The following RTL4 variants were observed in gnomAD, a reference collection of about 807,000 sequenced individuals.
RTL4 encodes the protein retrotransposon Gag-like protein 4.
A neutral mutation model predicts 5.3 loss-of-function variants in RTL4; 4 were observed. That is an observed-to-expected ratio of 0.75 (90% CI 0.37 to 1.72). RTL4 has a LOEUF of 1.72. RTL4 is among the 40% of genes most tolerant of loss of function. The pLI, the probability that RTL4 is intolerant of heterozygous loss-of-function variation, is 0.04. For synonymous variants in RTL4, 98 were observed against 87.3 expected (o/e 1.12, Z -0.68); for missense variants, 260 against 227.1 (o/e 1.14, Z -0.93).
At chrX:112,385,591 A>G in the RTL4 span, among the ~76,000 whole-genome samples, 1 of 111,670 alleles carries the variant, frequency 9.0e-6, no homozygotes, top group Admixed American at 9.5e-5. Context: ...ATACCCCACA[A>G]TCGTGACTAT....
At chrX:112,214,765 T>C in the RTL4 span, among the ~76,000 whole-genome samples, 2 of 111,533 alleles carry the variant, frequency 1.8e-5, no homozygotes, top group Non-Finnish European at 3.8e-5. Context: ...ATTTCCCTGA[T>C]GATTAGTGTT....
At chrX:112,310,788 AT>A in the RTL4 span, among the ~76,000 whole-genome samples, 3 of 76,594 alleles carry the variant, frequency 3.9e-5, no homozygotes, top group African/African-American at 1.8e-4. Flanking sequence ...ATATATTAAT[AT>A]TATATATAAT....
At chrX:112,205,151 C>G in the RTL4 span, among the ~76,000 whole-genome samples, 2 of 111,475 alleles carry the variant, frequency 1.8e-5, no homozygotes, top group Non-Finnish European at 3.8e-5. Flanking sequence ...GATGCACTTA[C>G]AGCAGTGCAA....
At chrX:112,326,727 C>G in the RTL4 span, among the ~76,000 whole-genome samples, 15 of 112,068 alleles carry the variant, frequency 1.3e-4, no homozygotes, top group African/African-American at 4.5e-4. Context: ...AAAAAGACAG[C>G]AGTAACCTCT....
At chrX:112,209,868 GGA>G in the RTL4 span, among the ~76,000 whole-genome samples, 1 of 111,711 alleles carries the variant, frequency 9.0e-6, no homozygotes, top group Non-Finnish European at 1.9e-5. Flanking sequence ...TCTTGCAAAA[GGA>G]GAGTAGTTAT....
chrX:112,370,034 G>T, the RTL4 span, among the ~76,000 whole-genome samples: 2 of 111,961 alleles, frequency 1.8e-5, no homozygotes, highest in South Asian at 7.4e-4. Context: ...GGTTTTAAAT[G>T]TGTATTAGAC....
At chrX:112,380,591 C>T in the RTL4 span, among the ~76,000 whole-genome samples, 15 of 112,458 alleles carry the variant, frequency 1.3e-4, no homozygotes, top group Middle Eastern at 4.6e-3. Context: ...AATAAAATCA[C>T]TCAAAATATT....
the RTL4 span, among the ~76,000 whole-genome samples, chrX:112,161,840 CCTTCCT>C: frequency 5.0e-5 from 2 of 40,066 alleles, no homozygotes; most frequent in African/African-American, 2.4e-4. Context: ...TTCCTTCCTT[CCTTCCT>C]TTCTTTCTTT....
the RTL4 span, among the ~76,000 whole-genome samples, chrX:112,292,157 C>A: frequency 8.9e-6 from 1 of 111,760 alleles, no homozygotes; most frequent in Non-Finnish European, 1.9e-5. Flanking sequence ...ATTTTCCATG[C>A]TTTATACCTC....
chrX:112,302,794 T>C, the RTL4 span, among the ~76,000 whole-genome samples: 9 of 112,531 alleles, frequency 8.0e-5, no homozygotes, highest in Non-Finnish European at 1.5e-4. Context: ...TCTTAAGTAG[T>C]TTTTAATAAA....
At chrX:112,350,137 T>A in the RTL4 span, among the ~76,000 whole-genome samples, 1 of 111,558 alleles carries the variant, frequency 9.0e-6, no homozygotes. Context: ...GGTTTTTGTC[T>A]TTGGTTCTGT....
chrX:112,110,594 C>G, the RTL4 span, among the ~76,000 whole-genome samples: 2 of 111,522 alleles, frequency 1.8e-5, no homozygotes, highest in Admixed American at 1.9e-4. Flanking sequence ...AAAAACTTAC[C>G]TTGTAAGTTT....
the RTL4 span, among the ~76,000 whole-genome samples, chrX:112,330,244 T>G: frequency 9.2e-6 from 1 of 109,037 alleles, no homozygotes; most frequent in African/African-American, 3.4e-5. Flanking sequence ...ATAACATCAT[T>G]GTATATCTAG....
the RTL4 span, among the ~76,000 whole-genome samples, chrX:112,376,744 C>T: frequency 8.9e-6 from 1 of 111,875 alleles, no homozygotes; most frequent in Non-Finnish European, 1.9e-5. Flanking sequence ...CTCAGCTACT[C>T]GGTATATGGC....
chrX:112,120,498 G>T, the RTL4 span, among the ~76,000 whole-genome samples: 1 of 109,694 alleles, frequency 9.1e-6, no homozygotes, highest in Non-Finnish European at 1.9e-5. Context: ...GGATAGTCTC[G>T]ATCTCCTGAC....
chrX:112,126,882 C>T, the RTL4 span, among the ~76,000 whole-genome samples: 1 of 111,431 alleles, frequency 9.0e-6, no homozygotes, highest in African/African-American at 3.3e-5. Context: ...TCTGAATAGA[C>T]CTATAAAAAG....
At chrX:112,119,178 G>A in the RTL4 span, among the ~76,000 whole-genome samples, 5 of 110,639 alleles carry the variant, frequency 4.5e-5, no homozygotes, top group Admixed American at 9.7e-5. Context: ...GGAGCTGGGC[G>A]TGGAAATACA....
chrX:112,317,810 A>T, the RTL4 span, among the ~76,000 whole-genome samples: 2 of 111,858 alleles, frequency 1.8e-5, no homozygotes, highest in African/African-American at 6.5e-5. Context: ...TCACACATCT[A>T]GTAAGTGGTA....
At chrX:112,435,037 A>G in the RTL4 span, among the ~76,000 whole-genome samples, 1 of 110,667 alleles carries the variant, frequency 9.0e-6, no homozygotes, top group East Asian at 2.9e-4. Flanking sequence ...TGCTTATAAA[A>G]CCATCAGATC....
Sources: gnomAD v4.1 joint callset for allele counts (sites outside exome capture counted in the v4.1 genomes callset) on GRCh38, gnomAD v4.1.1 for gene constraint, MANE v1.5 for transcripts, NCBI Gene and HGNC (gene_info 2026-07-23, HGNC 2026-07-21) for gene names.